Variants in SLC27A6 observed in about 807,000 individuals in gnomAD.
The protein encoded by SLC27A6 is long-chain fatty acid transport protein 6.
In SLC27A6, 74 loss-of-function variants were observed where a neutral mutation model predicts 63.9. That is an observed-to-expected ratio of 1.16 (90% confidence interval 0.96 to 1.40). The LOEUF is 1.40. Among genes scored for constraint, SLC27A6 ranks in the 40% most tolerant of loss-of-function variants. The pLI is 0.00. For missense variants in SLC27A6, 794 were observed against 732.9 expected, an observed-to-expected ratio of 1.08 and a Z score of -0.96; for synonymous variants, 287 against 260.8, an observed-to-expected ratio of 1.10 and a Z score of -0.97.
chr5:128,972,469 CTT>C (rs1271140948), intron 1 of SLC27A6, among the ~76,000 whole-genome samples: 2 of 152,114 alleles, frequency 1.3e-5, no homozygotes, highest in Admixed American at 6.6e-5. Flanking sequence ...TCTTTTTACT[CTT>C]TTTTCTCTAA....
chr5:129,027,387 T>C (rs945711353), intron 7 of SLC27A6, 56 bp downstream of exon 7: 6 of 1,352,306 alleles, frequency 4.4e-6, no homozygotes, highest in African/African-American at 4.4e-5. Flanking sequence ...CATGCTTCTA[T>C]AGAAACATCA....
At chr5:128,986,475 G>T (rs1320899248) in intron 2 of SLC27A6, among the ~76,000 whole-genome samples, 4 of 152,260 alleles carry the variant, frequency 2.6e-5, no homozygotes, top group Middle Eastern at 3.4e-3. Context: ...CATTTCTTGT[G>T]CATAGGTTGT....
At chr5:129,029,736 A>G in intron 9 of SLC27A6, 29 bp downstream of exon 9, 1 of 1,566,522 alleles carries the variant, frequency 6.4e-7, no homozygotes, top group Non-Finnish European at 8.7e-7. Context: ...TTTACTATCA[A>G]ATATAAGACA....
intron 4 of SLC27A6, 28 bp downstream of exon 4, chr5:128,990,492 TATGTC>T (rs1262006110): frequency 6.4e-7 from 1 of 1,550,482 alleles, no homozygotes; most frequent in Non-Finnish European, 8.7e-7. Context: ...CAGAAAAAAA[TATGTC>T]AGAAAGAATA....
At chr5:128,988,022 G>T (rs1159454283) in intron 2 of SLC27A6, among the ~76,000 whole-genome samples, 2 of 151,816 alleles carry the variant, frequency 1.3e-5, no homozygotes, top group East Asian at 3.9e-4. Flanking sequence ...ACAAATAGAA[G>T]ATTCCAAAAA....
chr5:129,013,604 T>C (rs1751797832), intron 4 of SLC27A6, among the ~76,000 whole-genome samples: 1 of 152,080 alleles, frequency 6.6e-6, no homozygotes, highest in Admixed American at 6.5e-5. Context: ...ATATATTTTT[T>C]CTTCTTAGCA....
chr5:128,966,498 G>T lies in SLC27A6; in HGVS notation c.361G>T (p.Val121Leu). The change falls in exon 1 of 10, where the codon GTG becomes TTG. Residue 121 changes from valine (V) to leucine (L), a missense_variant. Val to Leu is a conservative substitution (Grantham distance 32). Transcript: ENST00000262462. Reference sequence around the variant, plus strand: ...GAGCAATGAGCCGGACTTCGTTCACGTGTGGTTCGGCCTCGCCAAGCTGGG... The same window carrying T: ...GAGCAATGAGCCGGACTTCGTTCACTTGTGGTTCGGCCTCGCCAAGCTGGG... Reference protein sequence around the residue: ...LMSNEPDFVHVWFGLAKLGCV... With the variant: ...LMSNEPDFVHLWFGLAKLGCV... 2 of 1,608,406 alleles carry T rather than the reference G, an allele frequency of 1.2e-6. No homozygotes were observed. Among genetic ancestry groups the T allele is most frequent in the Non-Finnish European group, 1.7e-6 (2 of 1,177,672 alleles).
chr5:128,966,763 T>A, intron 1 of SLC27A6, 145 bp downstream of exon 1: 1 of 869,924 alleles, frequency 1.1e-6, no homozygotes, highest in Non-Finnish European at 1.6e-6. Context: ...TTTATGATTC[T>A]ATGCTGGTTT....
Position 129,023,828 on chromosome 5 carries a change from TG to T in SLC27A6, c.1255+120del, listed in dbSNP as rs113207757. On this transcript the variant is annotated intron_variant, in intron 6 of 9. Coordinates refer to ENST00000262462, the MANE Select transcript of SLC27A6 (RefSeq NM_001017372.3). ...GACCCCGGGTAGACACCAAAATTCA[TG>T]GATGTTTGCTCCTTATATAAAATGA... 4,942 of 681,024 alleles carry T rather than the reference TG, an allele frequency of 7.3e-3. 183 individuals carry two copies. The African/African-American group carries it at 0.08, about 11-fold the overall frequency. 42.2% of individuals were successfully genotyped at this position (681,024 alleles called of 1,614,324 possible).
chr5:129,030,386 A>G (rs1351584666), intron 9 of SLC27A6, among the ~76,000 whole-genome samples: 2 of 151,452 alleles, frequency 1.3e-5, no homozygotes, highest in East Asian at 3.9e-4. Context: ...AACCACACAG[A>G]TTTTTTTTTC....
At chr5:129,006,380 G>T (rs1186574373) in intron 4 of SLC27A6, among the ~76,000 whole-genome samples, 22 of 151,458 alleles carry the variant, frequency 1.5e-4, no homozygotes, top group African/African-American at 5.1e-4. Flanking sequence ...ATGAGCCACC[G>T]CGCCCAGCCA....
chr5:129,013,163 T>G (rs1421498189), intron 4 of SLC27A6, among the ~76,000 whole-genome samples: 1 of 152,102 alleles, frequency 6.6e-6, no homozygotes, highest in African/African-American at 2.4e-5. Flanking sequence ...AATTCTTAAC[T>G]TACCACATTC....
chr5:128,999,369 G>T (rs1242951133), intron 4 of SLC27A6, among the ~76,000 whole-genome samples: 1 of 152,026 alleles, frequency 6.6e-6, no homozygotes, highest in African/African-American at 2.4e-5. Flanking sequence ...TCTCTTCATT[G>T]CTGGACCTTC....
chr5:128,980,700 T>C (rs909910164), intron 1 of SLC27A6, among the ~76,000 whole-genome samples: 1 of 152,228 alleles, frequency 6.6e-6, no homozygotes, highest in Non-Finnish European at 1.5e-5. Context: ...AATGTTGCTT[T>C]GCAGTATGGG....
intron 4 of SLC27A6, among the ~76,000 whole-genome samples, chr5:129,003,386 T>A (rs1270409862): frequency 6.6e-6 from 1 of 152,224 alleles, no homozygotes; most frequent in African/African-American, 2.4e-5. Flanking sequence ...ATAGCAACAG[T>A]TCCTGCTCAG....
At chr5:129,022,562 A>T (rs1234102466) in intron 5 of SLC27A6, among the ~76,000 whole-genome samples, 1 of 150,556 alleles carries the variant, frequency 6.6e-6, no homozygotes, top group Non-Finnish European at 1.5e-5. Context: ...ATCTTTCCTT[A>T]TTATTATTTT....
chr5:128,974,474 A>G (rs2577430), intron 1 of SLC27A6, among the ~76,000 whole-genome samples: 36,101 of 152,180 alleles, frequency 0.24, 4,893 homozygotes, highest in Middle Eastern at 0.33. Context: ...AGATTTTGTA[A>G]TAAGATGTAG....
At chr5:128,970,986 G>T (rs373881282) in intron 1 of SLC27A6, among the ~76,000 whole-genome samples, 11 of 152,224 alleles carry the variant, frequency 7.2e-5, no homozygotes, top group African/African-American at 1.9e-4. Flanking sequence ...TCAAAGAACA[G>T]CTTTATTTCT....
intron 1 of SLC27A6, among the ~76,000 whole-genome samples, chr5:128,971,664 G>C (rs532230951): frequency 1.3e-5 from 2 of 151,764 alleles, no homozygotes; most frequent in Non-Finnish European, 2.9e-5. Context: ...GTCTCTGCAC[G>C]TGAGATGGGT....
Sources: allele counts gnomAD v4.1 joint callset (sites outside exome capture counted in the v4.1 genomes callset), GRCh38; gene constraint gnomAD v4.1.1; transcripts MANE v1.5; gene names NCBI Gene and HGNC (gene_info 2026-07-23, HGNC 2026-07-21).